Variants in WWP1 observed in about 807,000 individuals in gnomAD.
The protein encoded by WWP1 is NEDD4-like E3 ubiquitin-protein ligase WWP1.
In WWP1, 49 loss-of-function variants were observed where a neutral mutation model predicts 130.6. The observed-to-expected ratio is 0.38, with a 90% CI of 0.30 to 0.48. The LOEUF is 0.48. Among genes scored for constraint, WWP1 ranks in the 20% least tolerant of loss-of-function variants. The pLI, the probability that WWP1 is intolerant of heterozygous loss-of-function variation, is 0.99. For missense variants in WWP1, 809 were observed against 1,100.6 expected, an observed-to-expected ratio of 0.74 and a Z score of 3.75; for synonymous variants, 332 against 367.8, an observed-to-expected ratio of 0.90 and a Z score of 1.11.
chr8:86,395,422 A>G (rs1316319683), intron 5 of WWP1, among the ~76,000 whole-genome samples: 1 of 152,172 alleles, frequency 6.6e-6, no homozygotes, highest in Non-Finnish European at 1.5e-5. Flanking sequence ...ATATTTTAAG[A>G]GAGAATGGCT....
intron 5 of WWP1, among the ~76,000 whole-genome samples, chr8:86,394,677 G>A (rs1371905654): frequency 6.6e-6 from 1 of 152,090 alleles, no homozygotes; most frequent in Non-Finnish European, 1.5e-5. Flanking sequence ...ATCGGAGTTG[G>A]TTTGTTTATA....
At chr8:86,419,388 A>C (rs1220338118) in intron 9 of WWP1, among the ~76,000 whole-genome samples, 3 of 152,254 alleles carry the variant, frequency 2.0e-5, no homozygotes, top group Non-Finnish European at 4.4e-5. Context: ...ACTGCAGTCC[A>C]GCTTGGGTGA....
chr8:86,374,924 G>A (rs554707359), intron 3 of WWP1, among the ~76,000 whole-genome samples: 3 of 151,962 alleles, frequency 2.0e-5, no homozygotes, highest in Non-Finnish European at 4.4e-5. Flanking sequence ...TGTTGCCCAC[G>A]CTGGTCTTGA....
intron 8 of WWP1, among the ~76,000 whole-genome samples, chr8:86,403,669 G>C (rs918570969): frequency 6.6e-6 from 1 of 151,548 alleles, no homozygotes; most frequent in Non-Finnish European, 1.5e-5. Context: ...CTGTCTGAGA[G>C]TTTTTGTAAA....
At chr8:86,396,539 GTCT>G (rs1160564154) in intron 5 of WWP1, among the ~76,000 whole-genome samples, 2 of 149,180 alleles carry the variant, frequency 1.3e-5, no homozygotes, top group African/African-American at 2.5e-5. Flanking sequence ...ATTCTATAAG[GTCT>G]TCTTTTATCA....
In WWP1 at chr8:86,467,317, A is replaced by C. The variant is rs1418613723; in HGVS notation, c.*424A>C. The C allele has an allele frequency of 1.3e-5, 2 of 155,328 alleles. No homozygotes were observed. The highest frequency in any genetic ancestry group is 4.8e-5 in the African/African-American group (2 of 41,390). The allele number at this position is 155,328 out of a possible 1,614,324, so 9.6% of individuals were successfully genotyped here. A position where few individuals can be genotyped will look rare whatever the true frequency, so the allele number is the denominator to read the frequency against. On this transcript the variant is annotated 3_prime_UTR_variant, in exon 25 of 25. Transcript: ENST00000517970. ...TCCATGTTCTTCTCTCCCTTATGTA[A>C]CATCTCCTGAGGGTGTTTAGTTGCA... is the stretch of plus-strand genomic sequence containing the variant.
chr8:86,459,225 G>A (rs912903565), intron 22 of WWP1, among the ~76,000 whole-genome samples: 7 of 150,346 alleles, frequency 4.7e-5, no homozygotes, highest in Non-Finnish European at 8.9e-5. Flanking sequence ...TAGTAGAGAC[G>A]GGGTTTCACC....
At chr8:86,403,410 C>T (rs556238732) in intron 8 of WWP1, among the ~76,000 whole-genome samples, 1 of 152,286 alleles carries the variant, frequency 6.6e-6, no homozygotes, top group African/African-American at 2.4e-5. Flanking sequence ...ATTCTTGTGC[C>T]TCAGCCTCCT....
At chr8:86,437,411 G>T (rs940223789) in intron 16 of WWP1, among the ~76,000 whole-genome samples, 2 of 152,214 alleles carry the variant, frequency 1.3e-5, no homozygotes, top group African/African-American at 4.8e-5. Flanking sequence ...TAAACAGGAT[G>T]CAGAACAAAG....
At chr8:86,344,683 C>T (rs10103691) in intron 1 of WWP1, among the ~76,000 whole-genome samples, 104,172 of 152,028 alleles carry the variant, frequency 0.69, 37,286 homozygotes, top group African/African-American at 0.9. Context: ...TTGTAGAGCT[C>T]CTGGCTTCTG....
intron 8 of WWP1, among the ~76,000 whole-genome samples, 159 bp from the exon 9 acceptor site, chr8:86,411,379 A>G (rs569791431): frequency 2.0e-5 from 3 of 152,292 alleles, no homozygotes; most frequent in Admixed American, 6.5e-5. Context: ...ATTTTATTTT[A>G]TGTTACATAT....
chr8:86,380,594 A>C, intron 3 of WWP1, 132 bp from the exon 4 acceptor site: 1 of 1,025,372 alleles, frequency 9.8e-7, no homozygotes, highest in Admixed American at 3.4e-5. Flanking sequence ...GCCCTTTTGT[A>C]TTGTTTCTTC....
At chr8:86,376,208 G>A (rs1824638549) in intron 3 of WWP1, among the ~76,000 whole-genome samples, 1 of 152,156 alleles carries the variant, frequency 6.6e-6, no homozygotes, top group African/African-American at 2.4e-5. Context: ...TAGGACCAAT[G>A]GACAGTACAC....
chr8:86,441,397 A>G (rs564545529), intron 17 of WWP1, among the ~76,000 whole-genome samples: 15 of 152,346 alleles, frequency 9.8e-5, no homozygotes, highest in African/African-American at 3.1e-4. Flanking sequence ...TTCAGGCAGT[A>G]TCAGTGATTG....
intron 9 of WWP1, among the ~76,000 whole-genome samples, chr8:86,420,674 C>T (rs1279909218): frequency 6.6e-6 from 1 of 151,946 alleles, no homozygotes; most frequent in African/African-American, 2.4e-5. Context: ...GAAAATGTTG[C>T]CTTGGGGAGT....
intron 8 of WWP1, among the ~76,000 whole-genome samples, chr8:86,402,754 T>C (rs1808063715): frequency 1.3e-5 from 2 of 152,256 alleles, no homozygotes; most frequent in South Asian, 2.1e-4. Context: ...ATATGAGAGC[T>C]AGATTCTTAA....
Position 86,381,191 on chromosome 8 carries a change from T to C in WWP1, c.210-314T>C, listed in dbSNP as rs140846787. Among the ~76,000 whole-genome samples, 274 of 152,326 alleles carry C rather than the reference T, an allele frequency of 1.8e-3. 1 individual carries two copies. The highest frequency in any genetic ancestry group is 6.2e-3 in the African/African-American group (256 of 41,590). On this transcript the variant is annotated intron_variant, in intron 4 of 24. Transcript: ENST00000517970. ...AAATTTGTGTATAGTAAAAGTATCA[T>C]GTAAGTCTTTAGACATTTGTTCAAA...
At chr8:86,466,108 T>TCTAG (rs1438565971) in intron 24 of WWP1, among the ~76,000 whole-genome samples, 3 of 152,200 alleles carry the variant, frequency 2.0e-5, no homozygotes, top group African/African-American at 7.2e-5. Flanking sequence ...CGAATCCTAA[T>TCTAG]CTAGCTACTC....
In WWP1 at chr8:86,353,303, G is replaced by T. The variant is rs75320756; in HGVS notation, c.-115+10373G>T. Among the ~76,000 whole-genome samples the T allele has an allele frequency of 9.5e-3, 1,444 of 152,274 alleles. 18 individuals are homozygous for T. Among genetic ancestry groups the T allele is most frequent in the Middle Eastern group, 0.058 (17 of 294 alleles). On this transcript the variant is annotated intron_variant, in intron 1 of 24. Transcript: ENST00000517970. Reference sequence around the variant, plus strand: ...CCCTCCTCAGTCCTGTGACCAGCAGGATCCAAAATCTGATCCTGTCATCAG... The same window carrying T: ...CCCTCCTCAGTCCTGTGACCAGCAGTATCCAAAATCTGATCCTGTCATCAG...
Sources: gnomAD v4.1 joint callset for allele counts (sites outside exome capture counted in the v4.1 genomes callset) on GRCh38, gnomAD v4.1.1 for gene constraint, MANE v1.5 for transcripts, NCBI Gene and HGNC (gene_info 2026-07-23, HGNC 2026-07-21) for gene names.